The following HS6ST3 variants were observed in gnomAD, a reference collection of about 807,000 sequenced individuals.
HS6ST3 encodes heparan sulfate 6-O-sulfotransferase 3.
HS6ST3 carries 12 observed loss-of-function variants against 36.7 expected under a neutral mutation model. The observed-to-expected ratio is 0.33, with a 90% CI of 0.21 to 0.53. The LOEUF (loss-of-function observed/expected upper bound fraction) is 0.53. Ranked by LOEUF, HS6ST3 falls within the 20% of genes least tolerant of loss-of-function variation. HS6ST3 has a pLI of 0.95. For synonymous variants in HS6ST3, 240 were observed against 257.5 expected (o/e 0.93, Z 0.65); for missense variants, 584 against 640.9 (o/e 0.91, Z 0.96).
intron 1 of HS6ST3, among the ~76,000 whole-genome samples, chr13:96,734,038 T>C (rs997077897): frequency 1.3e-5 from 2 of 152,230 alleles, no homozygotes; most frequent in Admixed American, 6.5e-5. Context: ...CATCAGATCC[T>C]GGCCATTTCA....
intron 1 of HS6ST3, among the ~76,000 whole-genome samples, chr13:96,507,468 G>A (rs118024212): frequency 0.022 from 3,358 of 152,152 alleles, 63 homozygotes; most frequent in Non-Finnish European, 0.036. Context: ...GTAGGGTTTT[G>A]CAACTAGGAT....
chr13:96,392,279 C>G (rs1168223255), intron 1 of HS6ST3, among the ~76,000 whole-genome samples: 1 of 152,128 alleles, frequency 6.6e-6, no homozygotes, highest in Non-Finnish European at 1.5e-5. Context: ...TAAGACAAGA[C>G]TAATTGATTA....
intron 1 of HS6ST3, among the ~76,000 whole-genome samples, chr13:96,548,629 T>C (rs1194798417): frequency 1.3e-5 from 2 of 152,224 alleles, no homozygotes; most frequent in Non-Finnish European, 2.9e-5. Context: ...TCTATCTGTC[T>C]ATCATCTGTC....
At chr13:96,416,114 G>A (rs1225177693) in intron 1 of HS6ST3, among the ~76,000 whole-genome samples, 1 of 152,154 alleles carries the variant, frequency 6.6e-6, no homozygotes, top group African/African-American at 2.4e-5. Context: ...AATCATGACA[G>A]ATTCATTTAT....
intron 1 of HS6ST3, among the ~76,000 whole-genome samples, chr13:96,324,902 G>T (rs2139416952): frequency 6.6e-6 from 1 of 152,288 alleles, no homozygotes; most frequent in Non-Finnish European, 1.5e-5. Context: ...CATCTATGTT[G>T]TTTTCGCCAC....
intron 1 of HS6ST3, among the ~76,000 whole-genome samples, chr13:96,500,532 T>C (rs958520803): frequency 6.6e-6 from 1 of 152,112 alleles, no homozygotes; most frequent in Non-Finnish European, 1.5e-5. Flanking sequence ...GGGGACCAAG[T>C]TAGTAGGCTG....
chr13:96,620,323 A>G (rs934864697), intron 1 of HS6ST3, among the ~76,000 whole-genome samples: 2 of 152,112 alleles, frequency 1.3e-5, no homozygotes, highest in Non-Finnish European at 2.9e-5. Context: ...AAGCTTACAA[A>G]TGGACTGTTA....
At chr13:96,744,206 T>G (rs1876509730) in intron 1 of HS6ST3, among the ~76,000 whole-genome samples, 1 of 152,090 alleles carries the variant, frequency 6.6e-6, no homozygotes, top group South Asian at 2.1e-4. Context: ...TTTTTCTCTT[T>G]CCATAAGGAG....
At chr13:96,795,528 A>C (rs1170745462) in intron 1 of HS6ST3, among the ~76,000 whole-genome samples, 2 of 152,080 alleles carry the variant, frequency 1.3e-5, no homozygotes, top group Non-Finnish European at 2.9e-5. Flanking sequence ...ATTCTCTTAA[A>C]TGCTAAGCTA....
intron 1 of HS6ST3, among the ~76,000 whole-genome samples, chr13:96,557,133 T>C (rs1418447980): frequency 6.6e-6 from 1 of 152,208 alleles, no homozygotes; most frequent in African/African-American, 2.4e-5. Flanking sequence ...GAAATCCAGA[T>C]TCAACAGACG....
At chr13:96,101,069 A>G (rs976173979) in intron 1 of HS6ST3, among the ~76,000 whole-genome samples, 4 of 152,182 alleles carry the variant, frequency 2.6e-5, no homozygotes, top group African/African-American at 9.7e-5. Context: ...AAATCATGCT[A>G]ATTTGGGTGT....
chr13:96,524,946 C>G (rs1487121900), intron 1 of HS6ST3, among the ~76,000 whole-genome samples: 1 of 152,210 alleles, frequency 6.6e-6, no homozygotes, highest in Non-Finnish European at 1.5e-5. Context: ...GTTGATCTCA[C>G]TGGGAGCTGT....
chr13:96,705,811 A>G (rs1875405168), intron 1 of HS6ST3, among the ~76,000 whole-genome samples: 2 of 152,100 alleles, frequency 1.3e-5, no homozygotes, highest in African/African-American at 2.4e-5. Context: ...GTCTCCGTCC[A>G]CCCACCCCAC....
At chr13:96,204,802 C>G (rs915737403) in intron 1 of HS6ST3, among the ~76,000 whole-genome samples, 1 of 152,038 alleles carries the variant, frequency 6.6e-6, no homozygotes, top group Non-Finnish European at 1.5e-5. Flanking sequence ...CTAATGAGAA[C>G]AGAGACAACA....
chr13:96,413,060 A>G (rs536602199), intron 1 of HS6ST3, among the ~76,000 whole-genome samples: 4 of 152,206 alleles, frequency 2.6e-5, no homozygotes, highest in Admixed American at 1.3e-4. Flanking sequence ...CCTTTGTTTC[A>G]GGCCTGAGAG....
chr13:96,415,975 T>G (rs1471190453), intron 1 of HS6ST3, among the ~76,000 whole-genome samples: 1 of 152,286 alleles, frequency 6.6e-6, no homozygotes, highest in East Asian at 1.9e-4. Flanking sequence ...ACAGAACTGT[T>G]TTTCATCGGT....
intron 1 of HS6ST3, among the ~76,000 whole-genome samples, chr13:96,668,779 C>CAAA (rs35044138): frequency 3.1e-4 from 31 of 100,606 alleles, no homozygotes; most frequent in African/African-American, 1.0e-3. Flanking sequence ...CTAGATATTT[C>CAAA]AAAAAAAAAA....
At chr13:96,651,313 C>G (rs971747797) in intron 1 of HS6ST3, among the ~76,000 whole-genome samples, 1 of 152,032 alleles carries the variant, frequency 6.6e-6, no homozygotes, top group Non-Finnish European at 1.5e-5. Context: ...TTGCCCACTT[C>G]TGACTACAGA....
rs989332500 is a variant in HS6ST3 at position 96,725,818 on chromosome 13, T to C, written c.708-106672T>C. Reference sequence around the variant, plus strand: ...TCTTGTCTTCGTGCTTTATGATATGTCTTTTTTTTAATTTATTTTATTTGT... The same window carrying C: ...TCTTGTCTTCGTGCTTTATGATATGCCTTTTTTTTAATTTATTTTATTTGT... On this transcript the variant is annotated intron_variant, in intron 1 of 1. Coordinates refer to ENST00000376705, the MANE Select transcript of HS6ST3 (RefSeq NM_153456.4). 2.0e-5 allele frequency among the ~76,000 whole-genome samples: 3 copies of C among 152,170 alleles called. No individual in the cohort carries two copies. In the South Asian group the frequency reaches 6.2e-4, roughly 32 times the overall value.
Sources: gnomAD v4.1 joint callset for allele counts (sites outside exome capture counted in the v4.1 genomes callset) on GRCh38, gnomAD v4.1.1 for gene constraint, MANE v1.5 for transcripts, NCBI Gene and HGNC (gene_info 2026-07-23, HGNC 2026-07-21) for gene names.